The following UNC13B variants were observed in gnomAD, a reference collection of about 807,000 sequenced individuals.
UNC13B encodes the protein unc-13 homolog B.
UNC13B carries 144 observed loss-of-function variants against 211.0 expected under a neutral mutation model. The ratio of observed to expected loss-of-function variants is 0.68; its 90% CI spans 0.60 to 0.78. The LOEUF (loss-of-function observed/expected upper bound fraction) is 0.78, where lower values mean the gene tolerates loss of function less well. UNC13B is among the 30% of genes least tolerant of loss of function. The pLI is 0.00. For missense variants in UNC13B, 1,777 were observed against 2,002.0 expected, an observed-to-expected ratio of 0.89 and a Z score of 2.14; for synonymous variants, 709 against 725.8, an observed-to-expected ratio of 0.98 and a Z score of 0.37.
intron 11 of UNC13B, among the ~76,000 whole-genome samples, chr9:35,344,893 TTTTG>T (rs370033757): frequency 1.9e-4 from 29 of 152,286 alleles, no homozygotes; most frequent in African/African-American, 4.6e-4. Context: ...TGTTTTGGGT[TTTTG>T]TTTGTTTGTT....
intron 6 of UNC13B, among the ~76,000 whole-genome samples, chr9:35,255,238 A>G (rs752813045): frequency 1.5e-4 from 22 of 149,996 alleles, no homozygotes; most frequent in Non-Finnish European, 1.9e-4. Context: ...TTACGCATAT[A>G]TTTTTATTAA....
chr9:35,303,180 T>TA lies in UNC13B; in HGVS notation c.3777dup (p.Pro1260ThrfsTer4), dbSNP rs1402665968. 5.0e-6 allele frequency: 2 copies of TA among 398,644 alleles called. No homozygotes were observed. The highest frequency in any genetic ancestry group is 8.9e-6 in the Non-Finnish European group (2 of 225,784). The allele number at this position is 398,644 out of a possible 1,614,324, so 24.7% of individuals were successfully genotyped here. ...GCCTCCTTATTACCTAAAGAAAACA[T>TA]ACCATTATCTGATGCTGGGGATGAT... On this transcript the variant is annotated frameshift_variant, in exon 9 of 40. Coordinates refer to ENST00000635942, the MANE Select transcript of UNC13B (RefSeq NM_001371189.2). LOFTEE classifies it high-confidence loss of function.
chr9:35,257,378 T>A (rs1250622810), intron 6 of UNC13B, among the ~76,000 whole-genome samples: 1 of 140,112 alleles, frequency 7.1e-6, no homozygotes, highest in African/African-American at 2.6e-5. Context: ...TATAAAATAT[T>A]TATATAAATA....
intron 11 of UNC13B, among the ~76,000 whole-genome samples, chr9:35,318,835 T>C (rs1587610791): frequency 6.6e-6 from 1 of 152,202 alleles, no homozygotes. Context: ...TCCATTTGTC[T>C]ATGGCTTAAA....
At chr9:35,380,187 G>A (rs1357311719) in intron 17 of UNC13B, among the ~76,000 whole-genome samples, 1 of 152,160 alleles carries the variant, frequency 6.6e-6, no homozygotes, top group Non-Finnish European at 1.5e-5. Context: ...TAGCTGTATA[G>A]GAAGTCAGAA....
chr9:35,383,049 C>T (rs933318902), intron 21 of UNC13B, among the ~76,000 whole-genome samples: 2 of 152,208 alleles, frequency 1.3e-5, no homozygotes, highest in African/African-American at 4.8e-5. Context: ...CTGGGCTTGG[C>T]CAGAACCCCT....
chr9:35,229,039 C>T (rs933809170), intron 2 of UNC13B, among the ~76,000 whole-genome samples: 9 of 151,600 alleles, frequency 5.9e-5, no homozygotes, highest in East Asian at 3.9e-4. Context: ...CTATATATAC[C>T]GAGACCAAAA....
At chr9:35,375,924 G>A in intron 14 of UNC13B, 104 bp from the exon 15 acceptor site, 1 of 1,159,406 alleles carries the variant, frequency 8.6e-7, no homozygotes. Flanking sequence ...AGGTTGCAAT[G>A]AGCCGAGATC....
intron 1 of UNC13B, among the ~76,000 whole-genome samples, chr9:35,210,526 C>CT (rs1399570619): frequency 3.2e-4 from 13 of 41,222 alleles, no homozygotes; most frequent in Admixed American, 1.4e-3. Context: ...GTTTAATAAA[C>CT]TTATTTTTTT....
chr9:35,185,260 A>G (rs536259224), intron 1 of UNC13B, among the ~76,000 whole-genome samples: 2 of 152,306 alleles, frequency 1.3e-5, no homozygotes, highest in African/African-American at 4.8e-5. Context: ...TGTGGAGGAT[A>G]TTATTTGTAG....
intron 24 of UNC13B, among the ~76,000 whole-genome samples, chr9:35,388,734 A>C (rs1246399564): frequency 6.6e-6 from 1 of 152,236 alleles, no homozygotes; most frequent in East Asian, 1.9e-4. Context: ...GTTGTAAGGT[A>C]TGAGGTTGAG....
At chr9:35,353,175 G>A (rs1017436250) in intron 11 of UNC13B, 27 of 1,232,066 alleles carry the variant, frequency 2.2e-5, no homozygotes, top group Non-Finnish European at 2.7e-5. Context: ...GAGGAGGAAT[G>A]TGCTGCTCAC....
At chr9:35,259,099 C>T (rs751489943) in intron 7 of UNC13B, 49 bp downstream of exon 7, 45 of 1,588,884 alleles carry the variant, frequency 2.8e-5, no homozygotes, top group Non-Finnish European at 3.7e-5. Flanking sequence ...AGCTTTCTGT[C>T]GCTTCTCTGA....
At chr9:35,388,094 T>C (rs942809598) in intron 24 of UNC13B, among the ~76,000 whole-genome samples, 2 of 151,858 alleles carry the variant, frequency 1.3e-5, no homozygotes, top group Middle Eastern at 3.2e-3. Flanking sequence ...CAGAATTATG[T>C]ATGAGCTTGT....
chr9:35,288,454 C>A (rs1828914524), intron 7 of UNC13B, among the ~76,000 whole-genome samples: 1 of 152,250 alleles, frequency 6.6e-6, no homozygotes, highest in African/African-American at 2.4e-5. Context: ...CATGCCTTTG[C>A]ATGCATAATT....
intron 26 of UNC13B, among the ~76,000 whole-genome samples, chr9:35,396,013 T>C (rs1276031936): frequency 6.6e-6 from 1 of 152,226 alleles, no homozygotes; most frequent in Non-Finnish European, 1.5e-5. Flanking sequence ...TAGTTGTCAC[T>C]GACCCATTCA....
Position 35,341,747 on chromosome 9 carries a change from G to A in UNC13B, c.9415-25200G>A, listed in dbSNP as rs374105375. ...TGTGTGAGTGAGCTTGCTGGCAAGG[G>A]TTGTGTGTGCGTGAGTGTGCTGGGA... is the stretch of plus-strand genomic sequence containing the variant. On this transcript the variant is annotated intron_variant, in intron 11 of 39. Coordinates refer to ENST00000635942, the MANE Select transcript of UNC13B (RefSeq NM_001371189.2). 1.9e-3 allele frequency: 312 copies of A among 164,666 alleles called. 1 individual carries two copies. Among genetic ancestry groups the A allele is most frequent in the South Asian group, 0.01 (53 of 5,066 alleles). 10.2% of individuals were successfully genotyped at this position (164,666 alleles called of 1,614,324 possible). A position where few individuals can be genotyped will look rare whatever the true frequency, so the allele number is the denominator to read the frequency against.
chr9:35,225,054 G>A (rs1023290918), intron 1 of UNC13B, among the ~76,000 whole-genome samples: 5 of 151,860 alleles, frequency 3.3e-5, no homozygotes, highest in Admixed American at 2.0e-4. Flanking sequence ...AGTAGAGGTC[G>A]TATGTGACAA....
rs776483798 is a variant in UNC13B, at chr9:35,396,921, G to A, written c.11516G>A (p.Arg3839Gln). ...GAATTCCTGCGTGGGGCCCTGGAAC[G>A]AGATAAGAAGGATGGAGTAAGTCAG... ...SLEFLRGALERDKKDGFQQTS... is the reference protein window; with the variant it reads ...SLEFLRGALEQDKKDGFQQTS... Residue 3839 changes from arginine (R) to glutamine (Q), a missense_variant, in exon 28 of 40, where the codon CGA becomes CAA. Arg to Gln is a conservative substitution (Grantham distance 43). Transcript: ENST00000635942. 15 of 1,614,046 alleles carry A rather than the reference G, an allele frequency of 9.3e-6. No individual in the cohort carries two copies. The highest frequency in any genetic ancestry group is 4.4e-5 in the South Asian group (4 of 91,076).
Sources: gnomAD v4.1 joint callset for allele counts (sites outside exome capture counted in the v4.1 genomes callset) on GRCh38, gnomAD v4.1.1 for gene constraint, MANE v1.5 for transcripts, NCBI Gene and HGNC (gene_info 2026-07-23, HGNC 2026-07-21) for gene names.